MSMB: variants seen among roughly 807,000 people sequenced by gnomAD.
The protein encoded by MSMB is beta-microseminoprotein.
In MSMB, 10 loss-of-function variants were observed where a neutral mutation model predicts 10.5. That is an observed-to-expected ratio of 0.95 (90% CI 0.59 to 1.62). The LOEUF (loss-of-function observed/expected upper bound fraction) is 1.62. MSMB is among the 40% of genes most tolerant of loss of function. MSMB has a pLI of 0.00. For missense variants in MSMB, 126 were observed against 137.4 expected (o/e 0.92, Z 0.42); for synonymous variants, 43 against 46.5 (o/e 0.93, Z 0.30).
rs1168029787 is a variant in MSMB at position 46,033,349 on chromosome 10, C to T, written c.*73G>A. The T allele has an allele frequency of 1.9e-6, 3 of 1,558,140 alleles. No individual in the cohort carries two copies. The highest frequency in any genetic ancestry group is 4.5e-5 in the East Asian group (2 of 44,132). ...ATCTTTTTACTGATAGGCATGGCTA[C>T]ACAATCATTGACTATTAGAGGCCAG... On this transcript the variant is annotated 3_prime_UTR_variant, in exon 4 of 4. Transcript: ENST00000582163.
intron 1 of MSMB, among the ~76,000 whole-genome samples, chr10:46,040,561 A>G (rs1721808609): frequency 6.6e-6 from 1 of 152,250 alleles, no homozygotes; most frequent in Non-Finnish European, 1.5e-5. Flanking sequence ...ATGATGAGAA[A>G]GTCCCCTCTG....
At chr10:46,043,936 A>G (rs1840815466) in intron 1 of MSMB, among the ~76,000 whole-genome samples, 1 of 151,940 alleles carries the variant, frequency 6.6e-6, no homozygotes, top group South Asian at 2.1e-4. Context: ...CGGCCTCCCA[A>G]AGTGCTGGGA....
At chr10:46,044,372 C>G (rs1237342204) in intron 1 of MSMB, among the ~76,000 whole-genome samples, 1 of 150,096 alleles carries the variant, frequency 6.7e-6, no homozygotes, top group African/African-American at 2.5e-5. Context: ...GTCAGGAGAT[C>G]GAGACCATCC....
At chr10:46,042,340 T>C (rs1194654911) in intron 1 of MSMB, among the ~76,000 whole-genome samples, 1 of 152,058 alleles carries the variant, frequency 6.6e-6, no homozygotes, top group Non-Finnish European at 1.5e-5. Flanking sequence ...TTCAACTTAC[T>C]GATAACAAAA....
chr10:46,036,509 C>T (rs1358670779), intron 3 of MSMB, among the ~76,000 whole-genome samples: 1 of 152,172 alleles, frequency 6.6e-6, no homozygotes, highest in Non-Finnish European at 1.5e-5. Context: ...AGAATTGGCA[C>T]AGAGAAGGCA....
chr10:46,042,392 G>T (rs1840774419), intron 1 of MSMB, among the ~76,000 whole-genome samples: 3 of 152,152 alleles, frequency 2.0e-5, no homozygotes, highest in African/African-American at 7.2e-5. Flanking sequence ...ATAATGGGAT[G>T]GTGAGAATAA....
At position 46,038,289 on chromosome 10, in the gene MSMB, G is replaced by A. The variant is rs560394195; in HGVS notation, c.215+677C>T. ...CATTTTACGTTACGTATATTTTACC[G>A]CAATTTTTTTTTTTTTTAGACACAG... On this transcript the variant is annotated intron_variant, in intron 3 of 3. Coordinates refer to ENST00000582163, the MANE Select transcript of MSMB (RefSeq NM_002443.4). Among the ~76,000 whole-genome samples, 72 of 151,820 alleles carry A rather than the reference G, an allele frequency of 4.7e-4. 1 individual carries two copies. The East Asian group carries it at 0.012, about 25-fold the overall frequency.
At chr10:46,037,280 C>A (rs1440953907) in intron 3 of MSMB, among the ~76,000 whole-genome samples, 1 of 152,198 alleles carries the variant, frequency 6.6e-6, no homozygotes, top group Non-Finnish European at 1.5e-5. Flanking sequence ...GCCCAGGAAT[C>A]TGTATTTCAT....
chr10:46,044,575 GAAAA>G lies in MSMB; in HGVS notation c.3+1656_3+1659del, dbSNP rs56061175. ...TGGGCGACAGAGAGACTCCGTCTCA[GAAAA>G]AAAAAAAAAAAAAAAAAAAAAAAAG... On this transcript the variant is annotated intron_variant, in intron 1 of 3. Coordinates refer to ENST00000582163, the MANE Select transcript of MSMB (RefSeq NM_002443.4). 5.5e-3 allele frequency among the ~76,000 whole-genome samples: 210 copies of G among 38,502 alleles called. 1 individual carries two copies. Among genetic ancestry groups the G allele is most frequent in the East Asian group, 0.045 (42 of 928 alleles). The allele number at this position is 38,502 out of a possible 152,430, so 25.3% of individuals were successfully genotyped here.
chr10:46,033,476 C>T lies in MSMB; in HGVS notation c.291G>A (p.Val97=). 1 of 1,613,978 alleles carries T rather than the reference C, an allele frequency of 6.2e-7. No homozygotes were observed. The highest frequency in any genetic ancestry group is 1.3e-5 in the African/African-American group (1 of 75,026). ...TCTTTTTTGGGTCCTTCTTCTCCAC[C>T]ACGATATACTTGCAGTCCTCCTTCT... ...IFKKEDCKYI[V]VEKKDPKKTC... Residue 97 remains valine (V), a synonymous_variant, in exon 4 of 4, where the codon GTG becomes GTA. Coordinates refer to ENST00000582163, the MANE Select transcript of MSMB (RefSeq NM_002443.4).
chr10:46,040,644 T>C lies in MSMB; in HGVS notation c.4-553A>G, dbSNP rs571955121. Among the ~76,000 whole-genome samples the C allele has an allele frequency of 2.0e-5, 3 of 152,308 alleles. No individual in the cohort carries two copies. The South Asian group carries it at 6.2e-4, about 32-fold the overall frequency. The stretch of plus-strand genomic sequence containing the variant: ...GTTCTCTGTTTCTGCTTTTTCTGGC[T>C]CTTTTCTGTCTATAAAGCCAAACTT... On this transcript the variant is annotated intron_variant, in intron 1 of 3. Transcript: ENST00000582163.
intron 1 of MSMB, among the ~76,000 whole-genome samples, chr10:46,043,230 C>T (rs1384026083): frequency 6.6e-6 from 1 of 152,108 alleles, no homozygotes; most frequent in Non-Finnish European, 1.5e-5. Flanking sequence ...AGGGCTGCAT[C>T]CCAGGACAAG....
At chr10:46,044,032 G>A (rs1207627566) in intron 1 of MSMB, among the ~76,000 whole-genome samples, 1 of 152,084 alleles carries the variant, frequency 6.6e-6, no homozygotes, top group Non-Finnish European at 1.5e-5. Flanking sequence ...GACTTACACG[G>A]AAGCTCCCAG....
chr10:46,045,198 A>G (rs1840865938), intron 1 of MSMB, among the ~76,000 whole-genome samples: 1 of 152,192 alleles, frequency 6.6e-6, no homozygotes, highest in Non-Finnish European at 1.5e-5. Context: ...AGTTTAAGAC[A>G]CAAGAAAAGC....
intron 2 of MSMB, among the ~76,000 whole-genome samples, chr10:46,039,358 A>T (rs1840690636): frequency 1.3e-5 from 2 of 152,252 alleles, no homozygotes; most frequent in African/African-American, 4.8e-5. Context: ...TGAATTAGAT[A>T]GCCATGTGAG....
At chr10:46,036,786 A>G (rs1840617985) in intron 3 of MSMB, among the ~76,000 whole-genome samples, 1 of 152,186 alleles carries the variant, frequency 6.6e-6, no homozygotes, top group Non-Finnish European at 1.5e-5. Flanking sequence ...GAATCTTAGA[A>G]GAGGGCAGGG....
intron 3 of MSMB, 38 bp from the exon 4 acceptor site, chr10:46,033,589 A>G (rs1554927129): frequency 1.2e-6 from 2 of 1,608,346 alleles, no homozygotes; most frequent in Non-Finnish European, 1.7e-6. Context: ...TTAGAAGAGA[A>G]AGGACCCCGA....
intron 1 of MSMB, among the ~76,000 whole-genome samples, chr10:46,041,766 C>T (rs1293385606): frequency 2.0e-5 from 3 of 151,580 alleles, no homozygotes; most frequent in African/African-American, 7.3e-5. Flanking sequence ...TGCACTCCAG[C>T]CTGGGCAACA....
At chr10:46,038,200 T>A (rs1281298622) in intron 3 of MSMB, among the ~76,000 whole-genome samples, 6 of 152,160 alleles carry the variant, frequency 3.9e-5, no homozygotes, top group African/African-American at 1.4e-4. Context: ...ATGGTAGTGA[T>A]GCCACAACAA....
Sources: allele counts gnomAD v4.1 joint callset (sites outside exome capture counted in the v4.1 genomes callset), GRCh38; gene constraint gnomAD v4.1.1; transcripts MANE v1.5; gene names NCBI Gene and HGNC (gene_info 2026-07-23, HGNC 2026-07-21).